The following COMMD2 variants were observed in gnomAD, a reference collection of about 807,000 sequenced individuals.
The protein encoded by COMMD2 is COMM domain containing 2, also known as COMM domain-containing protein 2.
In COMMD2, 25 loss-of-function variants were observed where a neutral mutation model predicts 22.5. The observed-to-expected ratio is 1.11, with a 90% confidence interval of 0.81 to 1.55. The LOEUF is 1.55. COMMD2 is among the 40% of genes most tolerant of loss of function. The pLI, the probability that COMMD2 is intolerant of heterozygous loss-of-function variation, is 0.00. For missense variants in COMMD2, 223 were observed against 232.9 expected, an observed-to-expected ratio of 0.96 and a Z score of 0.28; for synonymous variants, 98 against 91.2, an observed-to-expected ratio of 1.07 and a Z score of -0.42.
chr3:149,749,787 G>GTGT (rs142858902), intron 4 of COMMD2, among the ~76,000 whole-genome samples: 14 of 151,988 alleles, frequency 9.2e-5, no homozygotes, highest in East Asian at 1.9e-4. Context: ...ACAACTACAC[G>GTGT]TGTTGTTGTT....
At chr3:149,748,982 C>T (rs1008779571) in intron 4 of COMMD2, among the ~76,000 whole-genome samples, 11 of 151,910 alleles carry the variant, frequency 7.2e-5, no homozygotes, top group Non-Finnish European at 1.3e-4. Context: ...ACTAACTTTC[C>T]TACATGATTG....
In COMMD2 at chr3:149,752,260, A is replaced by T. The variant is rs776061197; in HGVS notation, c.95T>A (p.Val32Glu). 3 of 1,614,012 alleles carry T rather than the reference A, an allele frequency of 1.9e-6. No homozygotes were observed. Among genetic ancestry groups the T allele is most frequent in the Non-Finnish European group, 2.5e-6 (3 of 1,179,982 alleles). ...GTTTGCGCCGCGTCTCAGGAATTCC[A>T]CAGCAATCCGCCCAAACTCGGCGAC... is the stretch of plus-strand genomic sequence containing the variant. ...AVVAEFGRIA[V>E]EFLRRGANPK... Residue 32 changes from valine (V) to glutamate (E), a missense_variant, in exon 2 of 5, where the codon GTG becomes GAG. Coordinates refer to ENST00000473414, the MANE Select transcript of COMMD2 (RefSeq NM_016094.4).
At chr3:149,751,349 C>T (rs1300806076) in intron 3 of COMMD2, 54 bp downstream of exon 3, 2 of 1,612,944 alleles carry the variant, frequency 1.2e-6, no homozygotes, top group South Asian at 1.1e-5. Flanking sequence ...GTAGAGTACA[C>T]CAGACCGTTC....
rs1716175067 is a variant in COMMD2, at chr3:149,740,273, A to T, written c.*1248T>A. ...AAAAGCTTTTGGTTCCCTACTAAAAAATAAAACAAAACATAAATCAAGTTA... is the reference window on the plus strand; with the variant it reads ...AAAAGCTTTTGGTTCCCTACTAAAATATAAAACAAAACATAAATCAAGTTA... On this transcript the variant is annotated 3_prime_UTR_variant, in exon 5 of 5. Transcript: ENST00000473414. 6.6e-6 allele frequency: 1 copy of T among 152,228 alleles called. No individual in the cohort carries two copies. The highest frequency in any genetic ancestry group is 1.5e-5 in the Non-Finnish European group (1 of 68,038). 9.4% of individuals were successfully genotyped at this position (152,228 alleles called of 1,614,324 possible).
In COMMD2 at chr3:149,740,172, T is replaced by C. The variant is rs1325804426; in HGVS notation, c.*1349A>G. ...CATTTCCACCCTTCCATACAATTCT[T>C]CTCCCTAAGCTGACCTCAGTATCTC... On this transcript the variant is annotated 3_prime_UTR_variant, in exon 5 of 5. Coordinates refer to ENST00000473414, the MANE Select transcript of COMMD2 (RefSeq NM_016094.4). 1 of 152,134 alleles carries C rather than the reference T, an allele frequency of 6.6e-6. No individual in the cohort carries two copies. Among genetic ancestry groups the C allele is most frequent in the Non-Finnish European group, 1.5e-5 (1 of 68,034 alleles). 9.4% of individuals were successfully genotyped at this position (152,134 alleles called of 1,614,324 possible). A position where few individuals can be genotyped will look rare whatever the true frequency, so the allele number is the denominator to read the frequency against.
At chr3:149,746,276 T>C (rs1716362695) in intron 4 of COMMD2, among the ~76,000 whole-genome samples, 1 of 152,148 alleles carries the variant, frequency 6.6e-6, no homozygotes, top group Non-Finnish European at 1.5e-5. Context: ...GATACCTTTT[T>C]AAGAAACTGA....
In COMMD2 at chr3:149,741,454, GA is replaced by G; in HGVS notation, c.*66del. ...CATGAATTAATAAAAAATTAATTTTGAAAAGTAATTGCTGTATATCATCAAT... is the reference window on the plus strand; with the variant it reads ...CATGAATTAATAAAAAATTAATTTTGAAAGTAATTGCTGTATATCATCAAT... On this transcript the variant is annotated 3_prime_UTR_variant, in exon 5 of 5. Transcript: ENST00000473414. The G allele has an allele frequency of 4.8e-6, 6 of 1,260,288 alleles. No homozygotes were observed. Among genetic ancestry groups the G allele is most frequent in the Non-Finnish European group, 5.8e-6 (5 of 865,128 alleles). The allele number at this position is 1,260,288 out of a possible 1,614,324, so 78.1% of individuals were successfully genotyped here. A position where few individuals can be genotyped will look rare whatever the true frequency, so the allele number is the denominator to read the frequency against.
At chr3:149,746,608 A>G (rs550494336) in intron 4 of COMMD2, among the ~76,000 whole-genome samples, 4 of 100,160 alleles carry the variant, frequency 4.0e-5, no homozygotes, top group South Asian at 6.8e-4. Flanking sequence ...TGTCTCTACT[A>G]AAAATACAAA....
chr3:149,750,824 C>T lies in COMMD2; in HGVS notation c.256G>A (p.Val86Ile). 4 of 1,588,366 alleles carry T rather than the reference C, an allele frequency of 2.5e-6. No individual in the cohort carries two copies. The highest frequency in any genetic ancestry group is 3.4e-6 in the Non-Finnish European group (4 of 1,166,422). The change falls in exon 4 of 5, where the codon GTT becomes ATT. Residue 86 changes from valine (V) to isoleucine (I), a missense_variant. Coordinates refer to ENST00000473414, the MANE Select transcript of COMMD2 (RefSeq NM_016094.4). ...TCTTCAGAGAATCCCAGAACAAAAA[C>T]AGAGTCTTGGAAATCCAGTTCAGAA... ...MISELDFQDS[V>I]FVLGFSEELN... is the part of the protein sequence containing the mutation.
intron 3 of COMMD2, 44 bp downstream of exon 3, chr3:149,751,359 C>A: frequency 6.2e-7 from 1 of 1,613,620 alleles, no homozygotes; most frequent in South Asian, 1.1e-5. Flanking sequence ...CCAGACCGTT[C>A]TTAAGAATCC....
intron 4 of COMMD2, among the ~76,000 whole-genome samples, chr3:149,743,645 A>G (rs948702909): frequency 1.3e-5 from 2 of 152,244 alleles, no homozygotes; most frequent in African/African-American, 4.8e-5. Flanking sequence ...CCTTTGGGTG[A>G]GCTGGTCCCC....
At chr3:149,751,802 A>C (rs1025582866) in intron 2 of COMMD2, 51 of 273,420 alleles carry the variant, frequency 1.9e-4, no homozygotes, top group Non-Finnish European at 2.8e-4. Context: ...AATCCCAGAG[A>C]CTGCCTCTTA....
At chr3:149,751,514 T>TA in intron 2 of COMMD2, 29 bp from the exon 3 acceptor site, 1 of 1,539,834 alleles carries the variant, frequency 6.5e-7, no homozygotes, top group East Asian at 2.3e-5. Flanking sequence ...AACGAGCAAA[T>TA]AAATTACTAC....
intron 4 of COMMD2, among the ~76,000 whole-genome samples, chr3:149,744,534 C>T (rs543482713): frequency 3.2e-4 from 49 of 152,294 alleles, no homozygotes; most frequent in Non-Finnish European, 5.7e-4. Flanking sequence ...AATGTTCCTA[C>T]TAGACACTAA....
chr3:149,741,503 A>G lies in COMMD2; in HGVS notation c.*18T>C. On this transcript the variant is annotated 3_prime_UTR_variant, in exon 5 of 5. Transcript: ENST00000473414. Reference sequence around the variant, plus strand: ...AATTCATAAGTGATTCAAATGAATTAAAACCTTAAAACTGGTACTACTTGA... The same window carrying G: ...AATTCATAAGTGATTCAAATGAATTGAAACCTTAAAACTGGTACTACTTGA... 2 of 1,593,114 alleles carry G rather than the reference A, an allele frequency of 1.3e-6. No individual in the cohort carries two copies. Among genetic ancestry groups the G allele is most frequent in the Non-Finnish European group, 1.7e-6 (2 of 1,160,966 alleles).
intron 4 of COMMD2, chr3:149,750,370 C>A: frequency 2.1e-6 from 1 of 467,664 alleles, no homozygotes; most frequent in Non-Finnish European, 4.2e-6. Context: ...TTGACCTGTG[C>A]ACTTTTCTAC....
chr3:149,747,573 C>G (rs1263749989), intron 4 of COMMD2, among the ~76,000 whole-genome samples: 1 of 152,092 alleles, frequency 6.6e-6, no homozygotes, highest in Admixed American at 6.6e-5. Flanking sequence ...GATTATAAAG[C>G]CTGATTAGGA....
Position 149,739,636 on chromosome 3 carries a change from G to A in COMMD2, c.*1885C>T, listed in dbSNP as rs1716156636. The A allele has an allele frequency of 1.3e-5, 2 of 152,198 alleles. No individual in the cohort carries two copies. The highest frequency in any genetic ancestry group is 2.4e-5 in the African/African-American group (1 of 41,458). The allele number at this position is 152,198 out of a possible 1,614,324, so 9.4% of individuals were successfully genotyped here. On this transcript the variant is annotated 3_prime_UTR_variant, in exon 5 of 5. Transcript: ENST00000473414. ...CAGCCATGTTTACCTTCCATCGAAG[G>A]TGGACAAATAAAAACCCTTACAGAG... is the stretch of plus-strand genomic sequence containing the variant.
At chr3:149,741,933 G>C (rs1218110899) in intron 4 of COMMD2, among the ~76,000 whole-genome samples, 1 of 151,428 alleles carries the variant, frequency 6.6e-6, no homozygotes, top group Admixed American at 6.6e-5. Flanking sequence ...GATATAAAAG[G>C]CTCAAACCAT....
Sources: allele counts gnomAD v4.1 joint callset (sites outside exome capture counted in the v4.1 genomes callset), GRCh38; gene constraint gnomAD v4.1.1; transcripts MANE v1.5; gene names NCBI Gene and HGNC (gene_info 2026-07-23, HGNC 2026-07-21).